The following DAPK1 variants were observed in gnomAD, a reference collection of about 807,000 sequenced individuals.
DAPK1 encodes death-associated protein kinase 1.
In DAPK1, 56 loss-of-function variants were observed where a neutral mutation model predicts 144.9. The observed-to-expected ratio is 0.39, with a 90% CI of 0.31 to 0.48. DAPK1 has a LOEUF of 0.48. Ranked by LOEUF, DAPK1 falls within the 20% of genes least tolerant of loss-of-function variation. The pLI is 0.95. For synonymous variants in DAPK1, 690 were observed against 749.0 expected (o/e 0.92, Z 1.29); for missense variants, 1,454 against 1,875.4 (o/e 0.78, Z 4.15).
At position 87,572,157 on chromosome 9, in the gene DAPK1, T is replaced by G. The variant is rs112461888; in HGVS notation, c.63-32797T>G. Among the ~76,000 whole-genome samples the G allele has an allele frequency of 7.4e-3, 1,134 of 152,342 alleles. 23 individuals are homozygous for G. Among genetic ancestry groups the G allele is most frequent in the African/African-American group, 0.026 (1,063 of 41,590 alleles). ...TGATGAATATAGCAGCTAATGATCA[T>G]AGTAGTAGCAGCAAAAACAAAGCTG... On this transcript the variant is annotated intron_variant, in intron 2 of 25. Coordinates refer to ENST00000408954, the MANE Select transcript of DAPK1 (RefSeq NM_004938.4).
rs766744302 is a variant in DAPK1 at position 87,697,048 on chromosome 9, G to C, written c.2455G>C (p.Val819Leu). ...FSVWEFSGNPVYFCCYDYFAA... is the reference protein window; with the variant it reads ...FSVWEFSGNPLYFCCYDYFAA... ...CGTGTGGGAGTTCTCTGGAAATCCT[G>C]TGTATTTCTGCTGTTATGACTATTT... The change falls in exon 22 of 26, where the codon GTG becomes CTG. Residue 819 changes from valine to leucine, a missense_variant. Transcript: ENST00000408954. The C allele has an allele frequency of 1.3e-6, 2 of 1,595,928 alleles. No homozygotes were observed. Among genetic ancestry groups the C allele is most frequent in the Admixed American group, 3.3e-5 (2 of 59,996 alleles).
At chr9:87,622,987 C>T (rs1829356774) in intron 3 of DAPK1, among the ~76,000 whole-genome samples, 1 of 152,160 alleles carries the variant, frequency 6.6e-6, no homozygotes, top group Admixed American at 6.5e-5. Flanking sequence ...GTTTGAAAAT[C>T]CGCGCCTCAG....
chr9:87,505,082 C>T (rs1444032770), intron 2 of DAPK1, among the ~76,000 whole-genome samples: 2 of 152,106 alleles, frequency 1.3e-5, no homozygotes, highest in Non-Finnish European at 2.9e-5. Context: ...GTAATCCAGA[C>T]CACTTCTTTC....
At chr9:87,571,476 A>ACACACCCCCAC (rs771023885) in intron 2 of DAPK1, among the ~76,000 whole-genome samples, 5 of 48,548 alleles carry the variant, frequency 1.0e-4, no homozygotes, top group Admixed American at 7.2e-4. Context: ...CACACACACC[A>ACACACCCCCAC]ACACACACAC....
At chr9:87,581,434 A>C (rs1827749701) in intron 2 of DAPK1, among the ~76,000 whole-genome samples, 1 of 152,216 alleles carries the variant, frequency 6.6e-6, no homozygotes, top group Non-Finnish European at 1.5e-5. Flanking sequence ...TTAAAAAAAA[A>C]AAAACTTAGT....
At chr9:87,680,421 C>T (rs1252533957) in intron 19 of DAPK1, among the ~76,000 whole-genome samples, 1 of 152,148 alleles carries the variant, frequency 6.6e-6, no homozygotes, top group Non-Finnish European at 1.5e-5. Context: ...AGGTCTGTTC[C>T]TAGGCTTCTT....
intron 2 of DAPK1, among the ~76,000 whole-genome samples, chr9:87,571,476 A>ACCCCAACACACACAC (rs771023885): frequency 2.1e-4 from 10 of 48,558 alleles, no homozygotes; most frequent in African/African-American, 6.4e-4. Context: ...CACACACACC[A>ACCCCAACACACACAC]ACACACACAC....
intron 19 of DAPK1, 175 bp downstream of exon 19, chr9:87,668,849 A>G (rs1376462076): frequency 5.0e-6 from 3 of 599,760 alleles, no homozygotes; most frequent in Non-Finnish European, 8.9e-6. Flanking sequence ...TCAGCTCCCT[A>G]TCTGTTTTCT....
intron 2 of DAPK1, among the ~76,000 whole-genome samples, chr9:87,522,722 A>G (rs758176516): frequency 3.9e-5 from 6 of 152,252 alleles, no homozygotes; most frequent in Non-Finnish European, 7.3e-5. Flanking sequence ...GTTACTCTTC[A>G]TAGACCGTAA....
chr9:87,579,781 T>C (rs1564005436), intron 2 of DAPK1, among the ~76,000 whole-genome samples: 1 of 152,204 alleles, frequency 6.6e-6, no homozygotes, highest in Non-Finnish European at 1.5e-5. Flanking sequence ...CAAAGGTTCC[T>C]GAATATGTTT....
At chr9:87,643,072 T>C (rs1034192239) in intron 10 of DAPK1, among the ~76,000 whole-genome samples, 1 of 152,162 alleles carries the variant, frequency 6.6e-6, no homozygotes, top group African/African-American at 2.4e-5. Context: ...GAAGAAAATA[T>C]AGAGAGAGAA....
intron 3 of DAPK1, among the ~76,000 whole-genome samples, chr9:87,620,772 T>G (rs1829267562): frequency 6.6e-6 from 1 of 152,036 alleles, no homozygotes; most frequent in African/African-American, 2.4e-5. Flanking sequence ...CCCAGGCAGA[T>G]TGATTTTGGA....
rs185610007 is a variant in DAPK1 at position 87,706,712 on chromosome 9, C to T, written c.3641C>T (p.Ser1214Leu). The change falls in exon 26 of 26, where the codon TCG becomes TTG. Residue 1214 changes from serine (S) to leucine (L), a missense_variant. Transcript: ENST00000408954. The surrounding 1 kb of genome is among the most constrained non-coding windows in gnomAD (Gnocchi z 9.0). The stretch of plus-strand genomic sequence containing the variant: ...ATCAAGTGCTGCCTGCTGCTGGACT[C>T]GGTGTGCAGCACCATTGAGAACGTC... ...EKIKCCLLLD[S>L]VCSTIENVMA... 579 of 1,612,142 alleles carry T rather than the reference C, an allele frequency of 3.6e-4. 2 individuals are homozygous for T. The African/African-American group carries it at 6.4e-3, about 18-fold the overall frequency.
intron 19 of DAPK1, among the ~76,000 whole-genome samples, chr9:87,677,130 A>G (rs1440371050): frequency 1.3e-5 from 2 of 152,236 alleles, no homozygotes; most frequent in African/African-American, 4.8e-5. Context: ...GACAGGAAAC[A>G]CATCTGTCTC....
intron 17 of DAPK1, among the ~76,000 whole-genome samples, chr9:87,656,698 C>T (rs1564052424): frequency 6.6e-6 from 1 of 152,208 alleles, no homozygotes; most frequent in South Asian, 2.1e-4. Flanking sequence ...ACACAGTGGA[C>T]GCGATTCAGG....
chr9:87,502,526 C>G (rs1824441443), intron 2 of DAPK1, among the ~76,000 whole-genome samples: 1 of 152,206 alleles, frequency 6.6e-6, no homozygotes, highest in Admixed American at 6.5e-5. Flanking sequence ...TTGTCGGGCT[C>G]TAGTTACACC....
chr9:87,499,271 G>GA (rs560739594), intron 2 of DAPK1, 132 bp downstream of exon 2: 2 of 842,352 alleles, frequency 2.4e-6, no homozygotes, highest in South Asian at 3.2e-5. Context: ...AAATCATAGA[G>GA]AAAAGAGTTA....
At chr9:87,661,273 A>G (rs1006686998) in intron 18 of DAPK1, among the ~76,000 whole-genome samples, 1 of 152,230 alleles carries the variant, frequency 6.6e-6, no homozygotes, top group Admixed American at 6.5e-5. Flanking sequence ...CAGTGAACAT[A>G]CAAGTGCAGG....
At chr9:87,650,160 T>C (rs1432830021) in intron 16 of DAPK1, 42 bp downstream of exon 16, 11 of 1,605,512 alleles carry the variant, frequency 6.9e-6, no homozygotes, top group African/African-American at 1.3e-5. Context: ...GGAAGTGATC[T>C]AGGGGTCTAG....
Sources: allele counts gnomAD v4.1 joint callset (sites outside exome capture counted in the v4.1 genomes callset), GRCh38; gene constraint gnomAD v4.1.1; non-coding constraint Gnocchi (gnomAD v3.1); transcripts MANE v1.5; gene names NCBI Gene and HGNC (gene_info 2026-07-23, HGNC 2026-07-21).